Variants in STK25 observed in about 807,000 individuals in gnomAD.
The protein encoded by STK25 is serine/threonine-protein kinase 25.
A neutral mutation model predicts 53.8 loss-of-function variants in STK25; 29 were observed. The ratio of observed to expected loss-of-function variants is 0.54; its 90% CI spans 0.40 to 0.74. The LOEUF (loss-of-function observed/expected upper bound fraction) is 0.74. Ranked by LOEUF, STK25 falls within the 30% of genes least tolerant of loss-of-function variation. The pLI, the probability that STK25 is intolerant of heterozygous loss-of-function variation, is 0.00. For synonymous variants in STK25, 247 were observed against 238.3 expected (o/e 1.04, Z -0.33); for missense variants, 420 against 568.0 (o/e 0.74, Z 2.65).
chr2:241,496,359 GGGGTGCTCTCCCCGACCCTATGGCAC>G lies in STK25; in HGVS notation c.1241+13_1241+38del. The G allele has an allele frequency of 1.9e-6, 3 of 1,591,230 alleles. No homozygotes were observed. The highest frequency in any genetic ancestry group is 2.6e-6 in the Non-Finnish European group (3 of 1,164,584). Reference sequence around the variant, plus strand: ...TCACCCCACGTCCAGCTTCTTGGTGGGGGTGCTCTCCCCGACCCTATGGCACGGCCGCCCTCACCTCTGCACTCGCT... The same window carrying G: ...TCACCCCACGTCCAGCTTCTTGGTGGGGCCGCCCTCACCTCTGCACTCGCT... On this transcript the variant is annotated intron_variant, in intron 11 of 11. Transcript: ENST00000316586. The surrounding 1 kb of genome is among the most constrained non-coding windows in gnomAD (Gnocchi z 5.8).
At chr2:241,504,901 A>C (rs955892870) in intron 2 of STK25, among the ~76,000 whole-genome samples, 11 of 151,322 alleles carry the variant, frequency 7.3e-5, no homozygotes, top group African/African-American at 2.7e-4. Flanking sequence ...GACAAGGTTA[A>C]GAAGCAGCCC....
rs775692453 is a variant in STK25, at chr2:241,493,968, C to A, written c.*1694G>T. 1.6e-6 allele frequency: 2 copies of A among 1,237,646 alleles called. No homozygotes were observed. The highest frequency in any genetic ancestry group is 5.6e-5 in the East Asian group (2 of 35,674). The allele number at this position is 1,237,646 out of a possible 1,614,324, so 76.7% of individuals were successfully genotyped here. A position where few individuals can be genotyped will look rare whatever the true frequency, so the allele number is the denominator to read the frequency against. On this transcript the variant is annotated 3_prime_UTR_variant, in exon 12 of 12. Transcript: ENST00000316586. ...TTGTTCTTGGGACAGTGTCTGAGCA[C>A]AAGATGGCTCACTGGTCTGATGGCC...
intron 2 of STK25, chr2:241,504,084 G>A (rs1201772890): frequency 4.2e-6 from 2 of 471,086 alleles, no homozygotes; most frequent in Admixed American, 2.3e-5. Context: ...CAGACCTCGA[G>A]GTGACTGGAA....
In STK25 at chr2:241,508,545, C is replaced by A; in HGVS notation, c.-203G>T. The stretch of plus-strand genomic sequence containing the variant: ...GCCCGGGGACCCCGGGCCTCCCAGC[C>A]CGCGAAGCAACGGTGGTGGCGGCAG... On this transcript the variant is annotated 5_prime_UTR_variant, in exon 1 of 12. Transcript: ENST00000316586. 2 of 997,530 alleles carry A rather than the reference C, an allele frequency of 2.0e-6. No homozygotes were observed. Among genetic ancestry groups the A allele is most frequent in the Non-Finnish European group, 2.4e-6 (2 of 837,102 alleles). 61.8% of individuals were successfully genotyped at this position (997,530 alleles called of 1,614,324 possible). A position where few individuals can be genotyped will look rare whatever the true frequency, so the allele number is the denominator to read the frequency against.
intron 5 of STK25, 129 bp from the exon 6 acceptor site, chr2:241,499,543 GC>G: frequency 2.4e-6 from 3 of 1,243,602 alleles, no homozygotes; most frequent in South Asian, 3.1e-5. Flanking sequence ...CAGGACCTCA[GC>G]CCTCCTTGCC....
intron 2 of STK25, chr2:241,504,140 A>G: frequency 2.1e-6 from 1 of 470,734 alleles, no homozygotes; most frequent in East Asian, 6.9e-5. Flanking sequence ...AGGCCACCTA[A>G]CCTTTCCCTG....
intron 1 of STK25, 30 bp from the exon 2 acceptor site, chr2:241,508,165 C>A (rs2065967287): frequency 8.3e-6 from 12 of 1,440,586 alleles, no homozygotes; most frequent in Non-Finnish European, 1.1e-5. Context: ...CGCTCGGTGC[C>A]CAGTTCAGTC....
intron 2 of STK25, among the ~76,000 whole-genome samples, chr2:241,505,298 C>T (rs1349712526): frequency 2.0e-5 from 3 of 152,112 alleles, no homozygotes; most frequent in African/African-American, 7.2e-5. Flanking sequence ...GAGCCGTTAG[C>T]CTGTAGGCCT....
chr2:241,495,444 A>C lies in STK25; in HGVS notation c.*218T>G. 1.8e-6 allele frequency: 1 copy of C among 568,884 alleles called. No individual in the cohort carries two copies. The highest frequency in any genetic ancestry group is 2.2e-5 in the South Asian group (1 of 45,984). 35.2% of individuals were successfully genotyped at this position (568,884 alleles called of 1,614,324 possible). ...GCTGGGCCAGGAGAGGGAGGAGGGC[A>C]GTGGGCATAGAGAACAGCGTCCCTG... On this transcript the variant is annotated 3_prime_UTR_variant, in exon 12 of 12. Transcript: ENST00000316586.
At chr2:241,508,667 G>A (rs2066006821), upstream of STK25, 1 of 985,778 alleles carries the variant, frequency 1.0e-6, no homozygotes, top group Non-Finnish European at 1.2e-6. Flanking sequence ...GCCCACTCCG[G>A]GCCCGGAAGC....
chr2:241,508,319 T>A, intron 1 of STK25, 124 bp downstream of exon 1: 1 of 1,199,540 alleles, frequency 8.3e-7, no homozygotes. Context: ...CGCCCCCACC[T>A]CTTCCAAGGC....
Position 241,499,139 on chromosome 2 carries a change from C to T in STK25, c.621G>A (p.Glu207=). The T allele has an allele frequency of 6.2e-7, 1 of 1,613,806 alleles. No homozygotes were observed. Among genetic ancestry groups the T allele is most frequent in the Admixed American group, 1.7e-5 (1 of 60,018 alleles). Reference sequence around the variant, plus strand: ...AGTTTGGAGGCTCCCCCTTGGCCAGCTCGATGGCTGTGATCCCCAGGGACC... The same window carrying T: ...AGTTTGGAGGCTCCCCCTTGGCCAGTTCGATGGCTGTGATCCCCAGGGACC... The part of the protein sequence containing the change: ...DIWSLGITAI[E]LAKGEPPNSD... The change falls in exon 7 of 12, where the codon GAG becomes GAA. Residue 207 remains glutamate, a synonymous_variant. Transcript: ENST00000316586.
intron 2 of STK25, chr2:241,504,246 C>T: frequency 2.5e-6 from 1 of 402,652 alleles, no homozygotes; most frequent in Non-Finnish European, 5.1e-6. Context: ...CCTTGCTTAG[C>T]CCAAAGGTCT....
chr2:241,501,258 C>A lies in STK25; in HGVS notation c.261+220G>T. On this transcript the variant is annotated intron_variant, in intron 3 of 11. Coordinates refer to ENST00000316586, the MANE Select transcript of STK25 (RefSeq NM_001271977.2). The surrounding 1 kb of genome is among the most constrained non-coding windows in gnomAD (Gnocchi z 5.3). ...AGTGCTCCTAGCAGCGCCCTCACTG[C>A]ATTACCACAGGCAGGCAAGTGGGTC... 1 of 618,228 alleles carries A rather than the reference C, an allele frequency of 1.6e-6. No individual in the cohort carries two copies. The highest frequency in any genetic ancestry group is 2.9e-6 in the Non-Finnish European group (1 of 340,754). 38.3% of individuals were successfully genotyped at this position (618,228 alleles called of 1,614,324 possible). A position where few individuals can be genotyped will look rare whatever the true frequency, so the allele number is the denominator to read the frequency against.
chr2:241,503,388 C>CT lies in STK25; in HGVS notation c.31-1681dup, dbSNP rs879868548. Among the ~76,000 whole-genome samples, 5 of 151,312 alleles carry CT rather than the reference C, an allele frequency of 3.3e-5. No individual in the cohort carries two copies. The East Asian group carries it at 9.9e-4, about 30-fold the overall frequency. Reference sequence around the variant, plus strand: ...CCCCTCCCCTAACAACATCAAGGGTCTTGATGCCAATTTAGTGTGGCAGAG... The same window carrying CT: ...CCCCTCCCCTAACAACATCAAGGGTCTTTGATGCCAATTTAGTGTGGCAGAG... On this transcript the variant is annotated intron_variant, in intron 2 of 11. Transcript: ENST00000316586.
chr2:241,500,173 C>CT lies in STK25; in HGVS notation c.426dup (p.Ala143SerfsTer11). On this transcript the variant is annotated frameshift_variant and splice_region_variant, in exon 5 of 12. Transcript: ENST00000316586. LOFTEE classifies it high-confidence loss of function. ...GAGCCACATCCACCCCCAGCAGGAC[C>CT]TTTGATGTCTCGGTGGATCTTGCGT... The CT allele has an allele frequency of 6.2e-7, 1 of 1,613,412 alleles. No homozygotes were observed. Among genetic ancestry groups the CT allele is most frequent in the Non-Finnish European group, 8.5e-7 (1 of 1,179,416 alleles).
chr2:241,493,154 C>A lies in STK25; in HGVS notation c.*2508G>T. 8.6e-7 allele frequency: 1 copy of A among 1,161,608 alleles called. No homozygotes were observed. The highest frequency in any genetic ancestry group is 1.3e-6 in the Non-Finnish European group (1 of 784,100). 72.0% of individuals were successfully genotyped at this position (1,161,608 alleles called of 1,614,324 possible). ...CCCTCCCATGCTTTGCCCACACACC[C>A]TGTGCTGTGTGAACAGGGAAACTGG... On this transcript the variant is annotated 3_prime_UTR_variant, in exon 12 of 12. Coordinates refer to ENST00000316586, the MANE Select transcript of STK25 (RefSeq NM_001271977.2).
At position 241,496,427 on chromosome 2, in the gene STK25, C is replaced by T. The variant is rs536849374; in HGVS notation, c.1212G>A (p.Leu404=). ...EESCPGISDK[L]MVHLVERVQR... ...GCACTCGCTCCACCAGGTGCACCAT[C>T]AGCTTGTCTGAGATGCCGGGGCAGG... The change falls in exon 11 of 12, where the codon CTG becomes CTA. Residue 404 remains leucine, a synonymous_variant. Transcript: ENST00000316586. The surrounding 1 kb of genome is among the most constrained non-coding windows in gnomAD (Gnocchi z 5.8). The T allele has an allele frequency of 1.5e-5, 24 of 1,613,728 alleles. No homozygotes were observed. In the African/African-American group the frequency reaches 3.2e-4, roughly 22 times the overall value.
In STK25 at chr2:241,495,638, C is replaced by A. The variant is rs2065102157; in HGVS notation, c.*24G>T. 6.2e-7 allele frequency: 1 copy of A among 1,613,856 alleles called. No homozygotes were observed. The highest frequency in any genetic ancestry group is 1.3e-5 in the African/African-American group (1 of 74,946). On this transcript the variant is annotated 3_prime_UTR_variant, in exon 12 of 12. Transcript: ENST00000316586. The stretch of plus-strand genomic sequence containing the variant: ...AGAACAAAAACAAACGACCTTCCGT[C>A]CCCTATCTGAACAGCAGTGCGCTTC...
Sources: gnomAD v4.1 joint callset for allele counts (sites outside exome capture counted in the v4.1 genomes callset) on GRCh38, gnomAD v4.1.1 for gene constraint, Gnocchi (gnomAD v3.1) non-coding constraint, MANE v1.5 for transcripts, NCBI Gene and HGNC (gene_info 2026-07-23, HGNC 2026-07-21) for gene names.